SNX13: variants seen among roughly 807,000 people sequenced by gnomAD.
SNX13 encodes sorting nexin 13, also known as sorting nexin-13.
In SNX13, 45 loss-of-function variants were observed where a neutral mutation model predicts 133.6. That is an observed-to-expected ratio of 0.34 (90% CI 0.27 to 0.43). The LOEUF (loss-of-function observed/expected upper bound fraction) is 0.43. SNX13 is among the 20% of genes least tolerant of loss of function. The probability of loss-of-function intolerance (pLI) is 1.00; values close to 1 mark genes in which losing one functional copy is unlikely to be tolerated. For missense variants in SNX13, 1,032 were observed against 1,145.1 expected (o/e 0.90, Z 1.43); for synonymous variants, 414 against 373.9 (o/e 1.11, Z -1.24).
At chr7:17,849,941 A>G (rs1000055823) in intron 11 of SNX13, among the ~76,000 whole-genome samples, 4 of 152,208 alleles carry the variant, frequency 2.6e-5, no homozygotes, top group Non-Finnish European at 2.9e-5. Flanking sequence ...ACCTGATATT[A>G]CGCGTCAATT....
intron 1 of SNX13, chr7:17,899,168 G>C (rs1465899097): frequency 1.3e-5 from 2 of 152,154 alleles, no homozygotes; most frequent in African/African-American, 4.8e-5. Flanking sequence ...CTTCCACTGA[G>C]AAGTCTGCTG....
At chr7:17,911,953 G>T (rs1483029502) in intron 1 of SNX13, among the ~76,000 whole-genome samples, 1 of 152,150 alleles carries the variant, frequency 6.6e-6, no homozygotes, top group Non-Finnish European at 1.5e-5. Context: ...ATAGTCTGAG[G>T]TCACTAAATG....
intron 11 of SNX13, among the ~76,000 whole-genome samples, chr7:17,846,278 T>A (rs962481565): frequency 1.3e-5 from 2 of 151,906 alleles, no homozygotes; most frequent in Admixed American, 1.3e-4. Flanking sequence ...CGTCCAAAAT[T>A]TAAAGAGCAT....
chr7:17,862,899 T>A (rs959612651), intron 9 of SNX13, among the ~76,000 whole-genome samples: 10 of 152,170 alleles, frequency 6.6e-5, no homozygotes, highest in Non-Finnish European at 1.2e-4. Flanking sequence ...GTGATCACAG[T>A]ACCCGGTTTG....
chr7:17,884,864 T>C (rs1298328405), intron 5 of SNX13, among the ~76,000 whole-genome samples: 2 of 151,978 alleles, frequency 1.3e-5, no homozygotes, highest in South Asian at 2.1e-4. Context: ...AGACAGACAA[T>C]AATAACTTAA....
At chr7:17,811,728 G>A (rs1020031998) in intron 20 of SNX13, among the ~76,000 whole-genome samples, 7 of 152,150 alleles carry the variant, frequency 4.6e-5, no homozygotes, top group Admixed American at 4.6e-4. Flanking sequence ...GAGGCATCAT[G>A]CTACCTGACT....
intron 22 of SNX13, among the ~76,000 whole-genome samples, chr7:17,800,985 T>C (rs1476082227): frequency 5.6e-5 from 5 of 89,350 alleles, no homozygotes; most frequent in African/African-American, 1.7e-4. Context: ...GAAAAAGTAC[T>C]TGGCAGTATC....
chr7:17,927,637 T>TA, intron 1 of SNX13, among the ~76,000 whole-genome samples: 1 of 152,202 alleles, frequency 6.6e-6, no homozygotes, highest in Admixed American at 6.5e-5. Flanking sequence ...CTTATGACAC[T>TA]AAACCAAAAT....
chr7:17,858,300 G>A (rs1024342386), intron 9 of SNX13, among the ~76,000 whole-genome samples: 1 of 151,932 alleles, frequency 6.6e-6, no homozygotes, highest in Non-Finnish European at 1.5e-5. Flanking sequence ...AAATGTTGCA[G>A]AATACAAAAT....
intron 21 of SNX13, among the ~76,000 whole-genome samples, chr7:17,802,583 C>A (rs1036177680): frequency 2.0e-5 from 3 of 152,034 alleles, no homozygotes; most frequent in Admixed American, 6.6e-5. Context: ...CTGAACAATA[C>A]TGATTTCAGT....
chr7:17,834,212 C>T, intron 14 of SNX13, 28 bp from the exon 15 acceptor site: 1 of 1,529,550 alleles, frequency 6.5e-7, no homozygotes, highest in Non-Finnish European at 8.9e-7. Flanking sequence ...AGATATTCAA[C>T]AATTAATACA....
chr7:17,802,825 A>T (rs1277927295), intron 21 of SNX13, among the ~76,000 whole-genome samples: 1 of 152,134 alleles, frequency 6.6e-6, no homozygotes, highest in Non-Finnish European at 1.5e-5. Flanking sequence ...AATGATTTTT[A>T]AAATGTTAAT....
At chr7:17,880,111 T>C (rs1178940117) in intron 5 of SNX13, 1 of 152,234 alleles carries the variant, frequency 6.6e-6, no homozygotes, top group Non-Finnish European at 1.5e-5. Flanking sequence ...GTTAAGGCTC[T>C]GCTGAGTGGT....
intron 1 of SNX13, among the ~76,000 whole-genome samples, chr7:17,908,461 T>C (rs185832449): frequency 2.0e-5 from 3 of 152,326 alleles, no homozygotes; most frequent in Admixed American, 6.5e-5. Flanking sequence ...AAAAATTCTA[T>C]CAAGTTCCCC....
chr7:17,821,469 G>A (rs1443181420), intron 18 of SNX13, 40 bp downstream of exon 18: 3 of 1,524,044 alleles, frequency 2.0e-6, no homozygotes, highest in Non-Finnish European at 2.7e-6. Flanking sequence ...ATCAAATCAA[G>A]AAACAACATA....
intron 15 of SNX13, 42 bp downstream of exon 15, chr7:17,834,009 TA>T: frequency 7.5e-7 from 1 of 1,339,242 alleles, no homozygotes; most frequent in Non-Finnish European, 9.7e-7. Flanking sequence ...AGAATATATA[TA>T]AATATATATG....
chr7:17,805,250 T>TGTGTGTGTGTGTGTGTGCGCGCGC, intron 20 of SNX13, among the ~76,000 whole-genome samples: 29 of 95,594 alleles, frequency 3.0e-4, no homozygotes, highest in African/African-American at 7.8e-4. Flanking sequence ...TGTGTGTGTG[T>TGTGTGTGTGTGTGTGTGCGCGCGC]GCGTGCGCGC....
chr7:17,834,147 G>A lies in SNX13; in HGVS notation c.1502C>T (p.Pro501Leu). Residue 501 changes from proline to leucine, a missense_variant, in exon 15 of 26, where the codon CCT (proline) becomes CTT (leucine). Transcript: ENST00000428135. ...ATAAAGTGCATTCTGTCTGAAGGAA[G>A]GATAAAATCTTTCATCTCGTAGCAT... ...ELMLRDERFY[P>L]SFRQNALYVR... 6.3e-7 allele frequency: 1 copy of A among 1,593,468 alleles called. No homozygotes were observed.
intron 18 of SNX13, among the ~76,000 whole-genome samples, chr7:17,817,496 T>TC (rs1248103098): frequency 6.6e-6 from 1 of 152,168 alleles, no homozygotes; most frequent in Admixed American, 6.5e-5. Flanking sequence ...ATAATTTCCA[T>TC]CCCCAAACTG....
Sources: allele counts gnomAD v4.1 joint callset (sites outside exome capture counted in the v4.1 genomes callset), GRCh38; gene constraint gnomAD v4.1.1; transcripts MANE v1.5; gene names NCBI Gene and HGNC (gene_info 2026-07-23, HGNC 2026-07-21).